The following ESCO1 variants were observed in gnomAD, a reference collection of about 807,000 sequenced individuals.
ESCO1 encodes the protein N-acetyltransferase ESCO1.
In ESCO1, 33 loss-of-function variants were observed where a neutral mutation model predicts 83.5. That is an observed-to-expected ratio of 0.40 (90% CI 0.30 to 0.53). The LOEUF (loss-of-function observed/expected upper bound fraction) is 0.53. ESCO1 is among the 20% of genes least tolerant of loss of function. The pLI is 0.63. For synonymous variants in ESCO1, 332 were observed against 324.3 expected (o/e 1.02, Z -0.25); for missense variants, 855 against 968.0 (o/e 0.88, Z 1.55).
At chr18:21,591,135 G>A (rs1489078854) in intron 1 of ESCO1, among the ~76,000 whole-genome samples, 4 of 152,158 alleles carry the variant, frequency 2.6e-5, no homozygotes, top group Non-Finnish European at 4.4e-5. Flanking sequence ...AGGATCTTGA[G>A]ATGTGATCAT....
chr18:21,562,634 C>A (rs1299301603), intron 7 of ESCO1, among the ~76,000 whole-genome samples: 2 of 150,990 alleles, frequency 1.3e-5, no homozygotes, highest in Admixed American at 1.3e-4. Flanking sequence ...AGCATGAGAC[C>A]CTATCTTAAA....
At chr18:21,589,161 C>A (rs2038624921) in intron 1 of ESCO1, among the ~76,000 whole-genome samples, 1 of 151,694 alleles carries the variant, frequency 6.6e-6, no homozygotes, top group Admixed American at 6.6e-5. Context: ...ATCATTTGAA[C>A]CTGGGAGGTA....
intron 2 of ESCO1, among the ~76,000 whole-genome samples, chr18:21,577,361 TAAAAAAAA>T (rs1555671990): frequency 3.8e-5 from 2 of 52,966 alleles, no homozygotes; most frequent in Non-Finnish European, 7.2e-5. Flanking sequence ...CCATCTTTTT[TAAAAAAAA>T]AAAAAAAAAA....
At chr18:21,540,843 A>T in intron 8 of ESCO1, 1 of 625,268 alleles carries the variant, frequency 1.6e-6, no homozygotes. Flanking sequence ...GTCTTAACCC[A>T]ACCAACTTTA....
Position 21,530,070 on chromosome 18 carries a change from C to G in ESCO1, c.*273G>C, listed in dbSNP as rs2037747042. The G allele has an allele frequency of 3.7e-6, 1 of 270,630 alleles. No homozygotes were observed. 16.8% of individuals were successfully genotyped at this position (270,630 alleles called of 1,614,324 possible). A position where few individuals can be genotyped will look rare whatever the true frequency, so the allele number is the denominator to read the frequency against. On this transcript the variant is annotated 3_prime_UTR_variant, in exon 12 of 12. Transcript: ENST00000269214. ...GCATTAGTTTTCAGTCCACTATGAACAATTATCTGCTGCATGTAAACATGT... is the reference window on the plus strand; with the variant it reads ...GCATTAGTTTTCAGTCCACTATGAAGAATTATCTGCTGCATGTAAACATGT...
chr18:21,581,352 C>A (rs2038499982), intron 2 of ESCO1, among the ~76,000 whole-genome samples: 1 of 150,330 alleles, frequency 6.7e-6, no homozygotes. Context: ...TAGATTTACA[C>A]TAATATTAAA....
chr18:21,598,031 G>A (rs541809872), intron 1 of ESCO1, among the ~76,000 whole-genome samples: 1 of 152,158 alleles, frequency 6.6e-6, no homozygotes, highest in African/African-American at 2.4e-5. Context: ...TGAAAGTCAG[G>A]GTTACAAAAG....
chr18:21,574,272 T>C lies in ESCO1; in HGVS notation c.572A>G (p.Asn191Ser), dbSNP rs35087820. 41,754 of 1,613,778 alleles carry C rather than the reference T, an allele frequency of 0.026. 628 individuals are homozygous for C. The highest frequency in any genetic ancestry group is 0.031 in the Non-Finnish European group (36,302 of 1,179,964). ...ATTTATTACTTCATTAATTACTAGA[T>C]TTTCATCTTCTTTAGAGTCAGACTT... The part of the protein sequence containing the change: ...EVKSDSKEDE[N>S]LVINEVINSP... The change falls in exon 4 of 12, where the codon AAT becomes AGT. Residue 191 changes from asparagine (N) to serine (S), a missense_variant. Coordinates refer to ENST00000269214, the MANE Select transcript of ESCO1 (RefSeq NM_052911.3).
At chr18:21,541,060 A>G (rs1221327277) in intron 8 of ESCO1, among the ~76,000 whole-genome samples, 1 of 152,172 alleles carries the variant, frequency 6.6e-6, no homozygotes, top group Admixed American at 6.6e-5. Context: ...AGGTAGAAAG[A>G]TCATAGTTGG....
intron 2 of ESCO1, among the ~76,000 whole-genome samples, chr18:21,583,481 T>C (rs1568111395): frequency 6.6e-6 from 1 of 151,712 alleles, no homozygotes; most frequent in Non-Finnish European, 1.5e-5. Context: ...CCATCTCTAC[T>C]AAAAATACAA....
intron 2 of ESCO1, among the ~76,000 whole-genome samples, chr18:21,583,242 C>T (rs187930924): frequency 6.6e-6 from 1 of 152,082 alleles, no homozygotes; most frequent in African/African-American, 2.4e-5. Flanking sequence ...ATGGATGAAC[C>T]TTGCAATCAT....
chr18:21,538,410 C>T (rs2037863624), intron 9 of ESCO1, among the ~76,000 whole-genome samples: 2 of 151,524 alleles, frequency 1.3e-5, no homozygotes, highest in South Asian at 4.2e-4. Flanking sequence ...ATTAATTCAA[C>T]AAGAATTTAC....
At position 21,530,260 on chromosome 18, in the gene ESCO1, ATGGC is replaced by A. The variant is rs970431465; in HGVS notation, c.*79_*82del. 4.3e-5 allele frequency: 53 copies of A among 1,226,218 alleles called. 1 individual carries two copies. Among genetic ancestry groups the A allele is most frequent in the Non-Finnish European group, 5.3e-5 (49 of 924,074 alleles). The allele number at this position is 1,226,218 out of a possible 1,614,324, so 76.0% of individuals were successfully genotyped here. A position where few individuals can be genotyped will look rare whatever the true frequency, so the allele number is the denominator to read the frequency against. ...CAGTCCTGAGTTCATTGTAATAAAA[ATGGC>A]CCTAGTTCCTGGTTAAAGTCAGCAA... is the stretch of plus-strand genomic sequence containing the variant. On this transcript the variant is annotated 3_prime_UTR_variant, in exon 12 of 12. Transcript: ENST00000269214.
At chr18:21,577,659 CAA>C (rs60796995) in intron 2 of ESCO1, among the ~76,000 whole-genome samples, 10 of 69,170 alleles carry the variant, frequency 1.4e-4, no homozygotes, top group Admixed American at 1.5e-4. Context: ...GACTCCGTCT[CAA>C]AAAAAAAAAA....
intron 11 of ESCO1, 97 bp from the exon 12 acceptor site, chr18:21,530,587 A>G: frequency 8.1e-7 from 1 of 1,238,932 alleles, no homozygotes; most frequent in Non-Finnish European, 1.1e-6. Flanking sequence ...GTCAAATACA[A>G]TTTGACTAAA....
intron 8 of ESCO1, among the ~76,000 whole-genome samples, chr18:21,545,917 C>A (rs180769704): frequency 6.6e-6 from 1 of 152,036 alleles, no homozygotes; most frequent in African/African-American, 2.4e-5. Context: ...GTGACAAGAG[C>A]GAAACTCCAT....
At chr18:21,577,754 A>C (rs1385152296) in intron 2 of ESCO1, among the ~76,000 whole-genome samples, 2 of 152,138 alleles carry the variant, frequency 1.3e-5, no homozygotes, top group Non-Finnish European at 2.9e-5. Context: ...AGAAGGAGTG[A>C]AACAGGAGGT....
chr18:21,571,190 G>C (rs2038336600), intron 4 of ESCO1, among the ~76,000 whole-genome samples: 1 of 151,822 alleles, frequency 6.6e-6, no homozygotes. Context: ...AAGTTTCTTA[G>C]GATATTTTTT....
chr18:21,549,351 A>G (rs530222827), intron 8 of ESCO1, among the ~76,000 whole-genome samples: 5 of 152,208 alleles, frequency 3.3e-5, no homozygotes, highest in Non-Finnish European at 7.3e-5. Context: ...AGAAATGGCC[A>G]GCATTCATGA....
Sources: gnomAD v4.1 joint callset for allele counts (sites outside exome capture counted in the v4.1 genomes callset) on GRCh38, gnomAD v4.1.1 for gene constraint, MANE v1.5 for transcripts, NCBI Gene and HGNC (gene_info 2026-07-23, HGNC 2026-07-21) for gene names.